The following BTN2A2 variants were observed in gnomAD, a reference collection of about 807,000 sequenced individuals.
BTN2A2 encodes the protein butyrophilin 2.
In BTN2A2, 29 loss-of-function variants were observed where a neutral mutation model predicts 34.7. That is an observed-to-expected ratio of 0.84 (90% CI 0.62 to 1.14). BTN2A2 has a LOEUF of 1.14. BTN2A2 is among the 50% of genes most tolerant of loss of function. BTN2A2 has a pLI of 0.00. For missense variants in BTN2A2, 612 were observed against 651.5 expected, an observed-to-expected ratio of 0.94 and a Z score of 0.66; for synonymous variants, 240 against 253.1, an observed-to-expected ratio of 0.95 and a Z score of 0.49.
Position 26,385,238 on chromosome 6 carries a change from C to T in BTN2A2, c.318C>T (p.Asp106=). 2 of 1,614,126 alleles carry T rather than the reference C, an allele frequency of 1.2e-6. No homozygotes were observed. Among genetic ancestry groups the T allele is most frequent in the South Asian group, 1.1e-5 (1 of 91,080 alleles). The change falls in exon 3 of 8, where the codon GAC becomes GAT. Residue 106 remains aspartate, a synonymous_variant. Transcript: ENST00000356709. ...YRGRITFVSK[D]INRGSVALVI... The stretch of plus-strand genomic sequence containing the variant: ...GAAGAATCACCTTTGTGAGCAAAGA[C>T]ATCAACAGGGGCAGCGTGGCCCTGG...
At chr6:26,388,340 T>G in intron 4 of BTN2A2, 46 bp downstream of exon 4, 1 of 1,598,280 alleles carries the variant, frequency 6.3e-7, no homozygotes, top group Non-Finnish European at 8.6e-7. Context: ...TGCAGGATCC[T>G]CAGCACCCAG....
Position 26,393,377 on chromosome 6 carries a change from A to G in BTN2A2, c.*410A>G, listed in dbSNP as rs571849657. 4 of 1,155,854 alleles carry G rather than the reference A, an allele frequency of 3.5e-6. No homozygotes were observed. The highest frequency in any genetic ancestry group is 4.1e-5 in the Admixed American group (1 of 24,430). 71.6% of individuals were successfully genotyped at this position (1,155,854 alleles called of 1,614,324 possible). A position where few individuals can be genotyped will look rare whatever the true frequency, so the allele number is the denominator to read the frequency against. On this transcript the variant is annotated 3_prime_UTR_variant, in exon 8 of 8. Coordinates refer to ENST00000356709, the MANE Select transcript of BTN2A2 (RefSeq NM_006995.5). ...CACCAGGATGAGAGAGGAGAGAGGA[A>G]TCCACAGGACCACCAGAAGGGAGAG... is the stretch of plus-strand genomic sequence containing the variant.
rs1614887 is a variant in BTN2A2 at position 26,392,793 on chromosome 6, G to A, written c.1398G>A (p.Ser466=). The A allele has an allele frequency of 0.55, 884,984 of 1,613,786 alleles. 248,880 individuals are homozygous for A. The highest frequency in any genetic ancestry group is 0.87 in the African/African-American group (65,415 of 74,952). The part of the protein sequence containing the change: ...DVSFYNMRDR[S]HIYTCPRSAF... ...CCTTCTACAACATGAGGGACAGATC[G>A]CACATCTACACATGTCCCCGTTCAG... The change falls in exon 8 of 8, where the codon TCG becomes TCA. Residue 466 remains serine, a synonymous_variant. Transcript: ENST00000356709.
rs1454912088 is a variant in BTN2A2, at chr6:26,393,173, G to A, written c.*206G>A. The A allele has an allele frequency of 1.9e-6, 3 of 1,572,292 alleles. No individual in the cohort carries two copies. The highest frequency in any genetic ancestry group is 1.7e-6 in the Non-Finnish European group (2 of 1,161,536). On this transcript the variant is annotated 3_prime_UTR_variant, in exon 8 of 8. Transcript: ENST00000356709. ...TGTGGCTTTAGTAGTTCCTTTGCTT[G>A]TAATTATGGGATGGGATCCAGGCAT...
At position 26,384,862 on chromosome 6, in the gene BTN2A2, G is replaced by A. The variant is rs757948030; in HGVS notation, c.95-153G>A. Among the ~76,000 whole-genome samples the A allele has an allele frequency of 6.6e-6, 1 of 152,214 alleles. No individual in the cohort carries two copies. The highest frequency in any genetic ancestry group is 6.5e-5 in the Admixed American group (1 of 15,288). ...GCCACAGCTACTGGTCCCCAGAAGG[G>A]TTCTCAGCCCAAGAACCCCTGTAGC... is the stretch of plus-strand genomic sequence containing the variant. On this transcript the variant is annotated intron_variant, in intron 2 of 7. Transcript: ENST00000356709. This position sits in a 1 kb window ranked among gnomAD's most constrained non-coding sequence, Gnocchi z 4.0.
In BTN2A2 at chr6:26,390,023, C is replaced by A. The variant is rs1561831025; in HGVS notation, c.743C>A (p.Ala248Glu). 1.1e-5 allele frequency: 18 copies of A among 1,613,842 alleles called. No individual in the cohort carries two copies. The highest frequency in any genetic ancestry group is 1.4e-5 in the Non-Finnish European group (17 of 1,179,948). The change falls in exon 5 of 8, where the codon GCA (alanine) becomes GAA (glutamate). Residue 248 changes from alanine to glutamate, a missense_variant. Coordinates refer to ENST00000356709, the MANE Select transcript of BTN2A2 (RefSeq NM_006995.5). ...IFIPESFMPSASPWMVALAVI... is the reference protein window; with the variant it reads ...IFIPESFMPSESPWMVALAVI... The stretch of plus-strand genomic sequence containing the variant: ...TTTTCAGAATCCTTTATGCCCAGCG[C>A]ATCTCCCTGGATGGTGGCCCTAGCT...
intron 3 of BTN2A2, among the ~76,000 whole-genome samples, chr6:26,387,489 G>A (rs1476979141): frequency 6.6e-6 from 1 of 151,652 alleles, no homozygotes; most frequent in Non-Finnish European, 1.5e-5. Context: ...CCAGCACTTT[G>A]GGAGGTCAAG....
At chr6:26,386,830 T>A (rs1761232816) in intron 3 of BTN2A2, among the ~76,000 whole-genome samples, 1 of 152,254 alleles carries the variant, frequency 6.6e-6, no homozygotes, top group Non-Finnish European at 1.5e-5. Flanking sequence ...TCCAATTTGC[T>A]GAGGTATTTT....
At chr6:26,386,867 G>A (rs149983364) in intron 3 of BTN2A2, among the ~76,000 whole-genome samples, 1 of 152,190 alleles carries the variant, frequency 6.6e-6, no homozygotes, top group African/African-American at 2.4e-5. Flanking sequence ...CAGGATTTCT[G>A]TGTGAGCCTT....
rs1192201439 is a variant in BTN2A2 at position 26,384,526 on chromosome 6, A to T, written c.95-489A>T. On this transcript the variant is annotated intron_variant, in intron 2 of 7. Coordinates refer to ENST00000356709, the MANE Select transcript of BTN2A2 (RefSeq NM_006995.5). This position sits in a 1 kb window ranked among gnomAD's most constrained non-coding sequence, Gnocchi z 4.0. ...TTTTGTTTCATATAAATAATCACAT[A>T]TCAATATTTAAATGCTTAGTTAATA... Among the ~76,000 whole-genome samples the T allele has an allele frequency of 6.6e-6, 1 of 152,380 alleles. No homozygotes were observed. The highest frequency in any genetic ancestry group is 2.4e-5 in the African/African-American group (1 of 41,592).
intron 4 of BTN2A2, among the ~76,000 whole-genome samples, chr6:26,389,425 G>C (rs1383372592): frequency 2.0e-5 from 3 of 152,204 alleles, no homozygotes; most frequent in Non-Finnish European, 4.4e-5. Context: ...GAAGGAGCTT[G>C]TCTGGCAGTT....
Position 26,388,294 on chromosome 6 carries a change from G to C in BTN2A2, c.724G>C (p.Glu242Gln). ...QEKETVIFIP[E>Q]SFMPSASPWM... ...GAAGGAAACTGTCATTTTTATTCCAGGTTAGTTCTCTGCCCTCTGAGACCT... is the reference window on the plus strand; with the variant it reads ...GAAGGAAACTGTCATTTTTATTCCACGTTAGTTCTCTGCCCTCTGAGACCT... The change falls in exon 4 of 8, where the codon GAA becomes CAA. Residue 242 changes from glutamate (E) to glutamine (Q), a missense_variant and splice_region_variant. Glu to Gln is a conservative substitution (Grantham distance 29). Transcript: ENST00000356709. The C allele has an allele frequency of 6.2e-7, 1 of 1,613,970 alleles. No homozygotes were observed.
intron 4 of BTN2A2, among the ~76,000 whole-genome samples, chr6:26,388,939 G>A (rs894675895): frequency 1.3e-5 from 2 of 152,150 alleles, no homozygotes; most frequent in East Asian, 1.9e-4. Flanking sequence ...GGCCAAGATG[G>A]TGAAACACCA....
intron 3 of BTN2A2, among the ~76,000 whole-genome samples, chr6:26,386,069 T>G (rs961211878): frequency 6.6e-6 from 1 of 152,236 alleles, no homozygotes; most frequent in African/African-American, 2.4e-5. Flanking sequence ...TCGATAAATA[T>G]TAATCTTGAC....
chr6:26,390,125 G>A lies in BTN2A2; in HGVS notation c.845G>A (p.Ser282Asn), dbSNP rs896273790. Residue 282 changes from serine (S) to asparagine (N), a missense_variant, in exon 5 of 8, where the codon AGC becomes AAC. Physicochemically the swap from Ser to Asn is conservative, Grantham distance 46. Transcript: ENST00000356709. ...LAVFIIFMAV[S>N]ICCIKKLQRE... is the part of the protein sequence containing the mutation. ...GTTTTCATCATCTTCATGGCTGTCA[G>A]CATCTGTTGCATCAAGAAACTTCAA... 8 of 1,614,008 alleles carry A rather than the reference G, an allele frequency of 5.0e-6. No homozygotes were observed. The highest frequency in any genetic ancestry group is 6.8e-6 in the Non-Finnish European group (8 of 1,180,046).
intron 7 of BTN2A2, chr6:26,391,163 T>C: frequency 2.0e-6 from 1 of 492,302 alleles, no homozygotes; most frequent in Non-Finnish European, 3.7e-6. Flanking sequence ...CAATTTGAAA[T>C]AAGATAATGC....
Position 26,384,486 on chromosome 6 carries a change from A to C in BTN2A2, c.95-529A>C, listed in dbSNP as rs1761053049. On this transcript the variant is annotated intron_variant, in intron 2 of 7. Transcript: ENST00000356709. The surrounding 1 kb of genome is among the most constrained non-coding windows in gnomAD (Gnocchi z 4.0). ...AAAAGGTAAAAACATACTTGAAATA[A>C]ATTTTAATAATGTATTTTGTTTCAT... Among the ~76,000 whole-genome samples the C allele has an allele frequency of 6.6e-6, 1 of 152,242 alleles. No homozygotes were observed. Among genetic ancestry groups the C allele is most frequent in the Admixed American group, 6.5e-5 (1 of 15,288 alleles).
chr6:26,390,195 GGA>G lies in BTN2A2; in HGVS notation c.916_917del (p.Glu306LysfsTer22), dbSNP rs1014373137. On this transcript the variant is annotated frameshift_variant, in exon 5 of 8. Coordinates refer to ENST00000356709, the MANE Select transcript of BTN2A2 (RefSeq NM_006995.5). LOFTEE classifies it high-confidence loss of function. ...LSGEKKVEQEEKEIAQQLQEE... is the reference protein window; with the variant it reads ...LSGEKKVEQEXKEIAQQLQEE... ...CAGGGGAAAAGAAAGTTGAACAAGAGGAAAAAGAAATTGCACGTAAGGAATTT... is the reference window on the plus strand; with the variant it reads ...CAGGGGAAAAGAAAGTTGAACAAGAGAAAAGAAATTGCACGTAAGGAATTT... 2 of 1,613,750 alleles carry G rather than the reference GGA, an allele frequency of 1.2e-6. No individual in the cohort carries two copies. The highest frequency in any genetic ancestry group is 1.7e-6 in the Non-Finnish European group (2 of 1,179,890).
In BTN2A2 at chr6:26,392,737, G is replaced by A. The variant is rs376736237; in HGVS notation, c.1342G>A (p.Val448Ile). 1.7e-5 allele frequency: 27 copies of A among 1,614,088 alleles called. No individual in the cohort carries two copies. Among genetic ancestry groups the A allele is most frequent in the African/African-American group, 9.3e-5 (7 of 74,930 alleles). ...GAAGGAGTCCCTTTGCCGGGTGGGC[G>A]TCTTCCTGGACTATGAAGCTGGAGA... ...PLKESLCRVG[V>I]FLDYEAGDVS... Residue 448 changes from valine (V) to isoleucine (I), a missense_variant, in exon 8 of 8, where the codon GTC becomes ATC. By Grantham distance (29) the Val-to-Ile change is conservative (BLOSUM62 3). Transcript: ENST00000356709.
Sources: gnomAD v4.1 joint callset for allele counts (sites outside exome capture counted in the v4.1 genomes callset) on GRCh38, gnomAD v4.1.1 for gene constraint, Gnocchi (gnomAD v3.1) non-coding constraint, MANE v1.5 for transcripts, NCBI Gene and HGNC (gene_info 2026-07-23, HGNC 2026-07-21) for gene names.